The following CCDC102B variants were observed in gnomAD, a reference collection of about 807,000 sequenced individuals.
CCDC102B encodes the protein coiled-coil domain-containing protein 102B.
Under a neutral mutation model 57.4 loss-of-function variants are expected in CCDC102B, and 75 were observed. The ratio of observed to expected loss-of-function variants is 1.31; its 90% CI spans 1.08 to 1.58. The LOEUF (loss-of-function observed/expected upper bound fraction) is 1.58, where lower values mean the gene tolerates loss of function less well. CCDC102B is among the 40% of genes most tolerant of loss of function. The pLI, the probability that CCDC102B is intolerant of heterozygous loss-of-function variation, is 0.00. For synonymous variants in CCDC102B, 206 were observed against 201.9 expected, an observed-to-expected ratio of 1.02 and a Z score of -0.17; for missense variants, 636 against 582.6, an observed-to-expected ratio of 1.09 and a Z score of -0.94.
At chr18:68,750,986 ACT>A (rs1299065046) in intron 2 of CCDC102B, among the ~76,000 whole-genome samples, 2 of 152,174 alleles carry the variant, frequency 1.3e-5, no homozygotes, top group South Asian at 2.1e-4. Flanking sequence ...AACAAAAAAA[ACT>A]CAATACTTTT....
At chr18:68,884,836 G>A (rs1429366982) in intron 5 of CCDC102B, among the ~76,000 whole-genome samples, 1 of 151,084 alleles carries the variant, frequency 6.6e-6, no homozygotes, top group East Asian at 1.9e-4. Context: ...CTGTATATGA[G>A]ATTCATGCCA....
chr18:69,010,159 G>A (rs975814576), intron 6 of CCDC102B, among the ~76,000 whole-genome samples: 7 of 137,156 alleles, frequency 5.1e-5, no homozygotes, highest in African/African-American at 1.9e-4. Context: ...AGCTAGGATG[G>A]TCTCCATCTT....
At chr18:68,855,583 A>G (rs1482033624) in intron 4 of CCDC102B, among the ~76,000 whole-genome samples, 6 of 152,182 alleles carry the variant, frequency 3.9e-5, no homozygotes, top group African/African-American at 1.4e-4. Context: ...TATTTTCATC[A>G]GTCCAAGAAG....
intron 5 of CCDC102B, among the ~76,000 whole-genome samples, chr18:68,892,906 A>G (rs1455139679): frequency 1.3e-5 from 2 of 152,206 alleles, no homozygotes; most frequent in African/African-American, 4.8e-5. Context: ...TCATATCTCA[A>G]TTACAGGGAG....
chr18:68,884,531 G>A (rs2039808187), intron 5 of CCDC102B, among the ~76,000 whole-genome samples: 2 of 151,284 alleles, frequency 1.3e-5, no homozygotes, highest in Non-Finnish European at 2.9e-5. Context: ...ATGACGAAAT[G>A]GGCAGATGTA....
At chr18:68,998,832 G>A (rs2051108620) in intron 6 of CCDC102B, among the ~76,000 whole-genome samples, 1 of 151,790 alleles carries the variant, frequency 6.6e-6, no homozygotes, top group African/African-American at 2.4e-5. Flanking sequence ...ACTGAGGGTG[G>A]GTCTGCATCA....
intron 6 of CCDC102B, among the ~76,000 whole-genome samples, chr18:68,902,946 T>C (rs974689102): frequency 1.3e-5 from 2 of 152,206 alleles, no homozygotes; most frequent in Non-Finnish European, 2.9e-5. Flanking sequence ...CGGCACATTT[T>C]TCTCATACTA....
chr18:68,875,029 C>T (rs959127611), intron 5 of CCDC102B: 10 of 275,292 alleles, frequency 3.6e-5, no homozygotes, highest in Non-Finnish European at 5.5e-5. Context: ...ATCTTATAGC[C>T]AATACAAGTC....
chr18:68,929,109 T>A (rs1485232681), intron 6 of CCDC102B, among the ~76,000 whole-genome samples: 1 of 151,876 alleles, frequency 6.6e-6, no homozygotes, highest in Non-Finnish European at 1.5e-5. Flanking sequence ...AGTTATATAT[T>A]TTTCCCACCT....
At chr18:68,808,332 T>A (rs1353120034) in intron 1 of CCDC102B, among the ~76,000 whole-genome samples, 1 of 152,004 alleles carries the variant, frequency 6.6e-6, no homozygotes, top group Non-Finnish European at 1.5e-5. Flanking sequence ...AAGTCAGCAT[T>A]TTGTCAATAT....
At chr18:68,917,152 G>A (rs2041101599) in intron 6 of CCDC102B, among the ~76,000 whole-genome samples, 2 of 151,404 alleles carry the variant, frequency 1.3e-5, no homozygotes, top group African/African-American at 4.9e-5. Flanking sequence ...TGAGAAAACT[G>A]AATTTCTTGA....
At chr18:68,900,772 A>C in intron 6 of CCDC102B, among the ~76,000 whole-genome samples, 1 of 152,312 alleles carries the variant, frequency 6.6e-6, no homozygotes. Flanking sequence ...TTAAAAGAAC[A>C]CATATCAACT....
At chr18:69,016,057 G>T (rs1334731511) in intron 7 of CCDC102B, among the ~76,000 whole-genome samples, 1 of 146,638 alleles carries the variant, frequency 6.8e-6, no homozygotes, top group African/African-American at 2.5e-5. Flanking sequence ...TAGAGACGGG[G>T]TTTCAACATG....
chr18:69,057,670 A>G (rs1275773982), downstream of CCDC102B, among the ~76,000 whole-genome samples: 2 of 152,058 alleles, frequency 1.3e-5, no homozygotes, highest in Non-Finnish European at 1.5e-5. Flanking sequence ...GGAAGTAGCC[A>G]CGTGCATGTA....
chr18:68,901,927 T>C (rs879837675), intron 6 of CCDC102B, among the ~76,000 whole-genome samples: 1 of 152,166 alleles, frequency 6.6e-6, no homozygotes, highest in Non-Finnish European at 1.5e-5. Flanking sequence ...CGATGTAAGA[T>C]ATAAACCTCC....
intron 7 of CCDC102B, among the ~76,000 whole-genome samples, chr18:69,051,307 T>C (rs1162570082): frequency 6.6e-6 from 1 of 152,046 alleles, no homozygotes; most frequent in African/African-American, 2.4e-5. Flanking sequence ...AAAACTAAAT[T>C]TAATAAAATT....
chr18:69,018,393 A>G (rs990078146), intron 7 of CCDC102B, among the ~76,000 whole-genome samples: 3 of 152,162 alleles, frequency 2.0e-5, no homozygotes, highest in Admixed American at 6.5e-5. Flanking sequence ...ATTCTCACCA[A>G]TAGTACAAAA....
At chr18:68,885,487 A>T (rs1460147055) in intron 5 of CCDC102B, among the ~76,000 whole-genome samples, 2 of 152,094 alleles carry the variant, frequency 1.3e-5, no homozygotes, top group Non-Finnish European at 2.9e-5. Context: ...ACTGCCTGAA[A>T]GCAAGCAGTG....
Position 69,017,290 on chromosome 18 carries a change from G to T in CCDC102B, c.1434+6186G>T, listed in dbSNP as rs545654600. ...GCCACCATGCCTGGCTATTTTTTTT[G>T]TGTGTGTGTTTTTCTGCAGAGATGG... is the stretch of plus-strand genomic sequence containing the variant. On this transcript the variant is annotated intron_variant, in intron 7 of 7. Coordinates refer to ENST00000360242, the MANE Select transcript of CCDC102B (RefSeq NM_024781.3). 1.1e-3 allele frequency among the ~76,000 whole-genome samples: 161 copies of T among 151,670 alleles called. 1 individual carries two copies. Among genetic ancestry groups the T allele is most frequent in the African/African-American group, 3.5e-3 (146 of 41,376 alleles).
Sources: allele counts gnomAD v4.1 joint callset (sites outside exome capture counted in the v4.1 genomes callset), GRCh38; gene constraint gnomAD v4.1.1; transcripts MANE v1.5; gene names NCBI Gene and HGNC (gene_info 2026-07-23, HGNC 2026-07-21).